Variants in CLVS1 observed in about 807,000 individuals in gnomAD.
CLVS1 encodes clavesin 1, also known as clavesin-1.
In CLVS1, 10 loss-of-function variants were observed where a neutral mutation model predicts 33.1. The observed-to-expected ratio is 0.30, with a 90% CI of 0.19 to 0.51. The LOEUF (loss-of-function observed/expected upper bound fraction) is 0.51, where lower values mean the gene tolerates loss of function less well. CLVS1 is among the 20% of genes least tolerant of loss of function. The pLI is 0.97. For missense variants in CLVS1, 343 were observed against 433.4 expected (o/e 0.79, Z 1.85); for synonymous variants, 163 against 166.1 (o/e 0.98, Z 0.14).
At chr8:61,321,867 A>G (rs1449210031) in intron 2 of CLVS1, among the ~76,000 whole-genome samples, 1 of 152,188 alleles carries the variant, frequency 6.6e-6, no homozygotes, top group Non-Finnish European at 1.5e-5. Context: ...TCGTATTCTC[A>G]GTGAGACTTA....
At chr8:61,344,307 A>G (rs1812124552) in intron 2 of CLVS1, among the ~76,000 whole-genome samples, 1 of 152,210 alleles carries the variant, frequency 6.6e-6, no homozygotes, top group African/African-American at 2.4e-5. Context: ...TCAGCCTCCC[A>G]AAGTGCTGAG....
At chr8:61,440,906 A>C (rs1274310459) in intron 3 of CLVS1, among the ~76,000 whole-genome samples, 1 of 152,162 alleles carries the variant, frequency 6.6e-6, no homozygotes, top group East Asian at 1.9e-4. Context: ...TTCTTTTCTA[A>C]TGAGTGCATT....
the CLVS1 span, among the ~76,000 whole-genome samples, chr8:60,990,812 G>A: frequency 2.0e-5 from 3 of 151,346 alleles, no homozygotes; most frequent in African/African-American, 4.9e-5. Context: ...GGTTTCAAGC[G>A]ATTCTCCTGT....
At chr8:61,216,527 T>C (rs1471113638) in intron 2 of CLVS1, among the ~76,000 whole-genome samples, 1 of 152,192 alleles carries the variant, frequency 6.6e-6, no homozygotes. Flanking sequence ...TCTGTGCGTT[T>C]GAACAGAGAA....
intron 2 of CLVS1, among the ~76,000 whole-genome samples, chr8:61,236,145 T>G (rs1224016448): frequency 6.6e-6 from 1 of 152,164 alleles, no homozygotes; most frequent in African/African-American, 2.4e-5. Context: ...ATCTTGGCTG[T>G]GCTGATTTGA....
the CLVS1 span, among the ~76,000 whole-genome samples, chr8:61,050,589 G>T: frequency 6.6e-6 from 1 of 152,226 alleles, no homozygotes; most frequent in African/African-American, 2.4e-5. Flanking sequence ...GTGCACACAC[G>T]TATCAGGCAG....
At chr8:61,366,067 T>G (rs1174267816) in intron 2 of CLVS1, among the ~76,000 whole-genome samples, 1 of 152,192 alleles carries the variant, frequency 6.6e-6, no homozygotes, top group Non-Finnish European at 1.5e-5. Context: ...GAAATTAATT[T>G]TTTATATTTG....
chr8:61,339,278 C>T (rs1232098689), intron 2 of CLVS1, among the ~76,000 whole-genome samples: 2 of 152,142 alleles, frequency 1.3e-5, no homozygotes, highest in East Asian at 3.9e-4. Context: ...TCCCCCATTC[C>T]CCAGCAATCC....
At chr8:61,267,419 T>G (rs1215681172) in intron 2 of CLVS1, among the ~76,000 whole-genome samples, 3 of 152,204 alleles carry the variant, frequency 2.0e-5, no homozygotes, top group Non-Finnish European at 4.4e-5. Flanking sequence ...ATAAATCCAT[T>G]CTCCATCTCC....
At chr8:61,231,801 G>A (rs1367920708) in intron 2 of CLVS1, among the ~76,000 whole-genome samples, 2 of 152,166 alleles carry the variant, frequency 1.3e-5, no homozygotes, top group Non-Finnish European at 2.9e-5. Flanking sequence ...ATGGGCTGAA[G>A]TTTGGTGTAG....
intron 1 of CLVS1, among the ~76,000 whole-genome samples, chr8:61,289,269 A>G (rs759844194): frequency 2.6e-5 from 4 of 152,250 alleles, no homozygotes; most frequent in Non-Finnish European, 5.9e-5. Flanking sequence ...ATGTAACTCC[A>G]TTCTGCCAGG....
the CLVS1 span, among the ~76,000 whole-genome samples, chr8:60,984,629 A>G: frequency 8.5e-5 from 13 of 152,180 alleles, no homozygotes; most frequent in Admixed American, 2.0e-4. Flanking sequence ...TGCCTGGCCC[A>G]TAAAGTCTAG....
At chr8:60,982,603 CACCA>C in the CLVS1 span, among the ~76,000 whole-genome samples, 1 of 152,140 alleles carries the variant, frequency 6.6e-6, no homozygotes, top group African/African-American at 2.4e-5. Context: ...TGCCTATTGT[CACCA>C]CTGCCCCCAG....
the CLVS1 span, among the ~76,000 whole-genome samples, chr8:61,033,027 A>AAG: frequency 1.7e-5 from 2 of 120,500 alleles, no homozygotes; most frequent in African/African-American, 3.3e-5. Context: ...GAAAGAAAGA[A>AAG]AGAAAGAAAG....
intron 5 of CLVS1, among the ~76,000 whole-genome samples, chr8:61,491,726 T>A (rs1211450273): frequency 6.6e-6 from 1 of 152,174 alleles, no homozygotes; most frequent in African/African-American, 2.4e-5. Flanking sequence ...GGAGAAATAA[T>A]ATTTTGGCTA....
At chr8:60,997,594 G>A in the CLVS1 span, among the ~76,000 whole-genome samples, 3 of 152,222 alleles carry the variant, frequency 2.0e-5, no homozygotes, top group Admixed American at 2.0e-4. Context: ...AGGGTTCACA[G>A]TCTCCATCTG....
intron 3 of CLVS1, among the ~76,000 whole-genome samples, chr8:61,419,396 CA>C (rs10635998): frequency 0.013 from 891 of 70,312 alleles, 1 homozygote; most frequent in Middle Eastern, 0.035. Flanking sequence ...GACTCCGTCT[CA>C]AAAAAAAAAA....
At chr8:60,967,578 C>T in the CLVS1 span, 3 of 453,492 alleles carry the variant, frequency 6.6e-6, no homozygotes, top group South Asian at 3.1e-5. Context: ...CTTACCCTGT[C>T]GTCTGCGCAG....
Position 61,232,023 on chromosome 8 carries a change from G to GTTTGTTTGTTTGTTTTTTT in CLVS1, c.-151-67651_-151-67650insGTTTGTTTGTTTTTTTTTT. Among the ~76,000 whole-genome samples, 17 of 62,652 alleles carry GTTTGTTTGTTTGTTTTTTT rather than the reference G, an allele frequency of 2.7e-4. 1 individual carries two copies. The highest frequency in any genetic ancestry group is 3.8e-4 in the African/African-American group (8 of 21,122). The allele number at this position is 62,652 out of a possible 152,430, so 41.1% of individuals were successfully genotyped here. A position where few individuals can be genotyped will look rare whatever the true frequency, so the allele number is the denominator to read the frequency against. ...AGAAGGAGCCCTGAGGAAAGTTGTG[G>GTTTGTTTGTTTGTTTTTTT]TTTTTTTTTTTTTTTTTTTTTTTTT... is the stretch of plus-strand genomic sequence containing the variant. On this transcript the variant is annotated intron_variant, in intron 2 of 2. Coordinates refer to the CLVS1 transcript ENST00000522621.
Sources: allele counts gnomAD v4.1 joint callset (sites outside exome capture counted in the v4.1 genomes callset), GRCh38; gene constraint gnomAD v4.1.1; transcripts MANE v1.5; gene names NCBI Gene and HGNC (gene_info 2026-07-23, HGNC 2026-07-21).